MPND: variants seen among roughly 807,000 people sequenced by gnomAD.
MPND encodes the protein MPN domain containing, also known as MPN domain-containing protein.
In MPND, 56 loss-of-function variants were observed where a neutral mutation model predicts 59.2. The ratio of observed to expected loss-of-function variants is 0.95; its 90% CI spans 0.76 to 1.18. MPND has a LOEUF of 1.18. Among genes scored for constraint, MPND ranks in the 50% most tolerant of loss-of-function variants. MPND has a pLI of 0.00. For missense variants in MPND, 671 were observed against 676.0 expected (o/e 0.99, Z 0.08); for synonymous variants, 323 against 291.9 (o/e 1.11, Z -1.09).
intron 4 of MPND, 138 bp downstream of exon 4, chr19:4,353,167 C>T: frequency 3.1e-6 from 2 of 653,602 alleles, no homozygotes; most frequent in Non-Finnish European, 4.5e-6. Flanking sequence ...GGCCCTAAGT[C>T]TGGAGCCGGA....
intron 8 of MPND, among the ~76,000 whole-genome samples, chr19:4,355,539 G>A (rs1261889434): frequency 4.6e-5 from 7 of 152,148 alleles, no homozygotes; most frequent in African/African-American, 7.2e-5. Context: ...GTTTCACCGC[G>A]TTAGCCAGGA....
chr19:4,359,253 A>C lies in MPND; in HGVS notation c.1417A>C (p.Lys473Gln). ...GGAGCACACCTACCTCGACAAGCTT[A>C]AGGTGAGCCCCAAGTCCCCGCAGAC... ...SQEHTYLDKLKISLASRTPKD... is the reference protein window; with the variant it reads ...SQEHTYLDKLQISLASRTPKD... Residue 473 changes from lysine to glutamine, a missense_variant and splice_region_variant, in exon 12 of 13, where the codon AAG (lysine) becomes CAG (glutamine). Physicochemically the swap from Lys to Gln is moderately conservative, Grantham distance 53 (BLOSUM62 1). Transcript: ENST00000599840. 2 of 1,612,172 alleles carry C rather than the reference A, an allele frequency of 1.2e-6. No individual in the cohort carries two copies. Among genetic ancestry groups the C allele is most frequent in the Non-Finnish European group, 1.7e-6 (2 of 1,179,018 alleles).
rs1318518121 is a variant in MPND, at chr19:4,351,849, G to A, written c.532-1048G>A. ...TGCACTCCAGCCTCGGCGACAGAGTGAGACTCTGTCTCAAAAAAAAAAAAA... is the reference window on the plus strand; with the variant it reads ...TGCACTCCAGCCTCGGCGACAGAGTAAGACTCTGTCTCAAAAAAAAAAAAA... On this transcript the variant is annotated intron_variant, in intron 3 of 12. Transcript: ENST00000599840. Among the ~76,000 whole-genome samples the A allele has an allele frequency of 3.5e-4, 37 of 104,512 alleles. No individual in the cohort carries two copies. The South Asian group carries it at 0.011, about 32-fold the overall frequency. 68.6% of individuals were successfully genotyped at this position (104,512 alleles called of 152,430 possible).
intron 8 of MPND, 43 bp from the exon 9 acceptor site, chr19:4,357,210 C>T (rs375547359): frequency 3.3e-5 from 51 of 1,534,838 alleles, no homozygotes; most frequent in East Asian, 9.1e-5. Context: ...TCACTAGAGC[C>T]GTTCAGGCCC....
intron 2 of MPND, among the ~76,000 whole-genome samples, chr19:4,345,269 A>G (rs1315564444): frequency 7.0e-6 from 1 of 143,276 alleles, no homozygotes; most frequent in South Asian, 2.2e-4. Flanking sequence ...CTGGTCTCAA[A>G]CTCCTGACCT....
In MPND at chr19:4,345,884, G is replaced by C; in HGVS notation, c.434G>C (p.Trp145Ser). ...VNPAKKSGCG[W>S]ASVKYKGQKL... ...CCTGCCAAGAAGTCGGGCTGTGGCT[G>C]GGCCTCTGTCAAGTACAAAGGCCAG... Residue 145 changes from tryptophan to serine, a missense_variant, in exon 3 of 13, where the codon TGG (tryptophan) becomes TCG (serine). By Grantham distance (177) the Trp-to-Ser change is radical. Coordinates refer to ENST00000599840, the MANE Select transcript of MPND (RefSeq NM_001300862.2). 6.2e-7 allele frequency: 1 copy of C among 1,614,046 alleles called. No individual in the cohort carries two copies.
intron 3 of MPND, among the ~76,000 whole-genome samples, chr19:4,350,237 T>A (rs1404807070): frequency 6.6e-6 from 1 of 151,970 alleles, no homozygotes; most frequent in Admixed American, 6.6e-5. Context: ...GGAGCCTGTG[T>A]GGCTGGAGCC....
intron 3 of MPND, among the ~76,000 whole-genome samples, chr19:4,350,588 G>T (rs754855077): frequency 2.6e-5 from 4 of 152,190 alleles, no homozygotes; most frequent in Non-Finnish European, 4.4e-5. Flanking sequence ...AAGTGTATCC[G>T]CCAGATTTGC....
intron 3 of MPND, among the ~76,000 whole-genome samples, chr19:4,350,744 T>C (rs892730071): frequency 2.0e-5 from 3 of 151,776 alleles, no homozygotes; most frequent in African/African-American, 7.3e-5. Flanking sequence ...CATGGAGACA[T>C]AGAGAGGCAG....
chr19:4,357,695 A>C, intron 10 of MPND, 110 bp downstream of exon 10: 10 of 1,069,460 alleles, frequency 9.4e-6, no homozygotes, highest in Non-Finnish European at 1.2e-5. Flanking sequence ...TTGGGGCCCC[A>C]GTTTCTCCAT....
rs947809353 is a variant in MPND at position 4,343,882 on chromosome 19, G to C, written c.182G>C (p.Gly61Ala). The C allele has an allele frequency of 1.6e-6, 2 of 1,233,362 alleles. No individual in the cohort carries two copies. The highest frequency in any genetic ancestry group is 1.0e-6 in the Non-Finnish European group (1 of 992,828). 76.4% of individuals were successfully genotyped at this position (1,233,362 alleles called of 1,614,324 possible). ...GGCGGCGGCGGCGGGGCCGGGGCGG[G>C]GGGCTGCGGCGGGCCCGGGGGCGCG... ...GGGGGGGAGA[G>A]GCGGPGGALT... The change falls in exon 2 of 13, where the codon GGG (glycine) becomes GCG (alanine). Residue 61 changes from glycine (G) to alanine (A), a missense_variant. Transcript: ENST00000599840.
chr19:4,345,665 G>A (rs993395393), intron 2 of MPND, 80 bp from the exon 3 acceptor site: 4 of 1,329,550 alleles, frequency 3.0e-6, no homozygotes, highest in South Asian at 1.2e-5. Flanking sequence ...CTGAGGGAGC[G>A]TAGGTCTGGG....
intron 3 of MPND, among the ~76,000 whole-genome samples, chr19:4,350,604 G>A (rs1268791228): frequency 1.3e-5 from 2 of 152,190 alleles, no homozygotes; most frequent in Non-Finnish European, 2.9e-5. Context: ...TTTGCTGATA[G>A]ATCAGATGCT....
At chr19:4,344,957 T>A (rs1034926393) in intron 2 of MPND, among the ~76,000 whole-genome samples, 22 of 148,486 alleles carry the variant, frequency 1.5e-4, no homozygotes, top group Non-Finnish European at 7.4e-5. Context: ...TTGGCCAGGC[T>A]GGTCTTGAAC....
At chr19:4,355,941 C>T (rs1972430160) in intron 8 of MPND, among the ~76,000 whole-genome samples, 1 of 150,730 alleles carries the variant, frequency 6.6e-6, no homozygotes, top group Non-Finnish European at 1.5e-5. Flanking sequence ...GCAACCTCCA[C>T]CTTCCGGATT....
chr19:4,344,089 G>A, intron 2 of MPND, 95 bp downstream of exon 2: 3 of 941,728 alleles, frequency 3.2e-6, no homozygotes, highest in Non-Finnish European at 4.1e-6. Context: ...CTTCAGTGTA[G>A]GGAGGGGACA....
At position 4,343,971 on chromosome 19, in the gene MPND, G is replaced by C. The variant is rs1027413633; in HGVS notation, c.271G>C (p.Gly91Arg). 17 of 1,382,804 alleles carry C rather than the reference G, an allele frequency of 1.2e-5. No individual in the cohort carries two copies. The highest frequency in any genetic ancestry group is 1.6e-5 in the Non-Finnish European group (17 of 1,067,516). 85.7% of individuals were successfully genotyped at this position (1,382,804 alleles called of 1,614,324 possible). A position where few individuals can be genotyped will look rare whatever the true frequency, so the allele number is the denominator to read the frequency against. Residue 91 changes from glycine to arginine, a missense_variant, in exon 2 of 13, where the codon GGG becomes CGG. Physicochemically the swap from Gly to Arg is moderately radical, Grantham distance 125 (BLOSUM62 -2). Transcript: ENST00000599840. ...LKDALLEPGAGVLSIYYLGKK... is the reference protein window; with the variant it reads ...LKDALLEPGARVLSIYYLGKK... ...AGACGCGCTGCTGGAGCCTGGCGCC[G>C]GGGTGCTGTCCATCTACTACCTGGT...
chr19:4,343,636 C>T (rs1599562431), intron 1 of MPND, 36 bp downstream of exon 1: 8 of 1,206,828 alleles, frequency 6.6e-6, no homozygotes, highest in Non-Finnish European at 7.2e-6. Context: ...GCGCGGGGCG[C>T]GGGGCTGCAG....
chr19:4,344,735 CTTTTTTTTTTT>C (rs369442146), intron 2 of MPND, among the ~76,000 whole-genome samples: 1 of 126,984 alleles, frequency 7.9e-6, no homozygotes. Flanking sequence ...GGTATTAGTA[CTTTTTTTTTTT>C]TTTTTTTTTT....
Sources: allele counts gnomAD v4.1 joint callset (sites outside exome capture counted in the v4.1 genomes callset), GRCh38; gene constraint gnomAD v4.1.1; transcripts MANE v1.5; gene names NCBI Gene and HGNC (gene_info 2026-07-23, HGNC 2026-07-21).